Variants in OSBPL10 observed in about 807,000 individuals in gnomAD.
The protein encoded by OSBPL10 is oxysterol-binding protein-related protein 10.
A neutral mutation model predicts 81.7 loss-of-function variants in OSBPL10; 49 were observed. That is an observed-to-expected ratio of 0.60 (90% confidence interval 0.48 to 0.76). OSBPL10 has a LOEUF of 0.76. OSBPL10 is among the 30% of genes least tolerant of loss of function. OSBPL10 has a pLI of 0.00. For synonymous variants in OSBPL10, 419 were observed against 383.6 expected (o/e 1.09, Z -1.08); for missense variants, 923 against 987.8 (o/e 0.93, Z 0.88).
Position 31,901,857 on chromosome 3 carries a change from G to A in OSBPL10, c.282-22027C>T, listed in dbSNP as rs140632240. ...GTTCAAGATCAGCCTGGGCAATACG[G>A]CAAAACCCCATCTCTAGTAAAAATC... On this transcript the variant is annotated intron_variant, in intron 1 of 11. Coordinates refer to ENST00000396556, the MANE Select transcript of OSBPL10 (RefSeq NM_017784.5). Among the ~76,000 whole-genome samples the A allele has an allele frequency of 4.6e-5, 7 of 152,196 alleles. No individual in the cohort carries two copies. In the South Asian group the frequency reaches 6.2e-4, roughly 14 times the overall value.
intron 3 of OSBPL10, among the ~76,000 whole-genome samples, chr3:31,863,162 C>G (rs1359228238): frequency 6.6e-6 from 1 of 152,040 alleles, no homozygotes; most frequent in African/African-American, 2.4e-5. Context: ...AAGCCAGACA[C>G]AAAGAGACAC....
At chr3:31,696,136 G>A (rs1375958168) in intron 7 of OSBPL10, among the ~76,000 whole-genome samples, 1 of 152,142 alleles carries the variant, frequency 6.6e-6, no homozygotes, top group Non-Finnish European at 1.5e-5. Flanking sequence ...ATCTTCTGGT[G>A]TCTGCACCCC....
intron 2 of OSBPL10, among the ~76,000 whole-genome samples, chr3:32,032,914 T>C (rs146180890): frequency 5.9e-5 from 9 of 152,330 alleles, no homozygotes; most frequent in African/African-American, 1.9e-4. Flanking sequence ...TGGAGGACCA[T>C]TGAAAGAAAA....
chr3:31,686,158 A>C lies in OSBPL10; in HGVS notation c.1246-2044T>G, dbSNP rs150576963. On this transcript the variant is annotated intron_variant, in intron 7 of 11. Transcript: ENST00000396556. ...GACCCAGCACATGGCCCTCACCAGA[A>C]GCCAGCCAGATGTGACACTATGCTC... 9.9e-3 allele frequency among the ~76,000 whole-genome samples: 1,507 copies of C among 152,276 alleles called. 10 individuals are homozygous for C. The highest frequency in any genetic ancestry group is 0.018 in the Admixed American group (269 of 15,298).
At chr3:31,988,978 T>G in intron 2 of OSBPL10, 1 of 1,488,664 alleles carries the variant, frequency 6.7e-7, no homozygotes, top group Non-Finnish European at 9.1e-7. Flanking sequence ...AGCCACGAAG[T>G]TTGTGATAAT....
chr3:31,671,012 C>G (rs1700310232), intron 8 of OSBPL10, 29 bp from the exon 9 acceptor site: 11 of 1,570,102 alleles, frequency 7.0e-6, no homozygotes, highest in Non-Finnish European at 9.5e-6. Context: ...GAGAGTTAGG[C>G]ATGCAAACAT....
intron 5 of OSBPL10, among the ~76,000 whole-genome samples, chr3:31,743,123 C>T (rs1429443818): frequency 6.7e-6 from 1 of 148,220 alleles, no homozygotes; most frequent in African/African-American, 2.5e-5. Flanking sequence ...TCACTGCAAC[C>T]TCCACCTCCA....
rs201404710 is a variant in OSBPL10 at position 31,905,793 on chromosome 3, G to GA, written c.282-25964dup. 3.1e-4 allele frequency among the ~76,000 whole-genome samples: 42 copies of GA among 136,648 alleles called. No individual in the cohort carries two copies. In the East Asian group the frequency reaches 8.0e-3, roughly 26 times the overall value. 89.6% of individuals were successfully genotyped at this position (136,648 alleles called of 152,430 possible). A position where few individuals can be genotyped will look rare whatever the true frequency, so the allele number is the denominator to read the frequency against. ...TTGAAATATCCATCATACCACTCTA[G>GA]AAAAAAAAATATAAGACTTCTTAGC... On this transcript the variant is annotated intron_variant, in intron 1 of 11. Coordinates refer to ENST00000396556, the MANE Select transcript of OSBPL10 (RefSeq NM_017784.5).
intron 11 of OSBPL10, chr3:31,663,789 TC>T: frequency 7.5e-7 from 1 of 1,331,728 alleles, no homozygotes; most frequent in South Asian, 1.6e-5. Flanking sequence ...CAGTCTGCAG[TC>T]CCATCGCGAT....
chr3:31,809,631 A>G (rs1699621583), intron 4 of OSBPL10, among the ~76,000 whole-genome samples: 1 of 152,250 alleles, frequency 6.6e-6, no homozygotes, highest in African/African-American at 2.4e-5. Flanking sequence ...TAAGGACAAT[A>G]AGGCTGTGCT....
intron 2 of OSBPL10, among the ~76,000 whole-genome samples, chr3:32,029,276 C>T (rs1379673223): frequency 1.3e-5 from 2 of 152,180 alleles, no homozygotes; most frequent in Admixed American, 6.6e-5. Flanking sequence ...AGTGTACTTT[C>T]CTTCCTTTCA....
chr3:31,708,223 C>G (rs1209388226), intron 6 of OSBPL10, among the ~76,000 whole-genome samples: 1 of 152,206 alleles, frequency 6.6e-6, no homozygotes, highest in Non-Finnish European at 1.5e-5. Context: ...CAGGCATGAA[C>G]CACTGCACCC....
intron 2 of OSBPL10, chr3:32,045,758 C>G (rs13094134): frequency 0.67 from 101,234 of 152,204 alleles, 36,179 homozygotes; most frequent in South Asian, 0.84. Flanking sequence ...GCTGACTCAG[C>G]AGCATTAAAC....
chr3:32,035,008 C>T (rs1699503927), intron 2 of OSBPL10, among the ~76,000 whole-genome samples: 1 of 152,052 alleles, frequency 6.6e-6, no homozygotes, highest in Admixed American at 6.6e-5. Flanking sequence ...TGGGGTTTTC[C>T]CATAACTGTT....
chr3:32,034,442 G>GA (rs34903839), intron 2 of OSBPL10, among the ~76,000 whole-genome samples: 22,206 of 130,396 alleles, frequency 0.17, 2,222 homozygotes, highest in African/African-American at 0.26. Flanking sequence ...CCCTGTAGCG[G>GA]AAAAAAAAAA....
intron 1 of OSBPL10, among the ~76,000 whole-genome samples, chr3:31,968,168 G>A (rs1299883819): frequency 6.6e-6 from 1 of 151,938 alleles, no homozygotes; most frequent in South Asian, 2.1e-4. Context: ...ATACTTCAGT[G>A]CGTAAATGTT....
At chr3:31,833,707 A>ACACACG (rs1700303833) in intron 3 of OSBPL10, among the ~76,000 whole-genome samples, 1 of 80,094 alleles carries the variant, frequency 1.2e-5, no homozygotes, top group African/African-American at 8.0e-5. Context: ...ACGCACACGC[A>ACACACG]CACACACACA....
intron 9 of OSBPL10, 25 bp from the exon 10 acceptor site, chr3:31,668,849 C>A: frequency 1.3e-6 from 2 of 1,521,284 alleles, no homozygotes; most frequent in South Asian, 2.7e-5. Flanking sequence ...CAAATGAGTA[C>A]ACACTTTTCA....
intron 1 of OSBPL10, among the ~76,000 whole-genome samples, chr3:31,886,142 T>G (rs997292946): frequency 3.3e-5 from 5 of 152,070 alleles, no homozygotes; most frequent in Non-Finnish European, 5.9e-5. Flanking sequence ...GAAAAAAATC[T>G]TTCTTTGAAG....
Sources: gnomAD v4.1 joint callset for allele counts (sites outside exome capture counted in the v4.1 genomes callset) on GRCh38, gnomAD v4.1.1 for gene constraint, MANE v1.5 for transcripts, NCBI Gene and HGNC (gene_info 2026-07-23, HGNC 2026-07-21) for gene names.